The following GREM2 variants were observed in gnomAD, a reference collection of about 807,000 sequenced individuals.
The protein encoded by GREM2 is gremlin-2.
Under a neutral mutation model 14.2 loss-of-function variants are expected in GREM2, and 11 were observed. That is an observed-to-expected ratio of 0.78 (90% CI 0.49 to 1.28). The LOEUF (loss-of-function observed/expected upper bound fraction) is 1.28, where lower values mean the gene tolerates loss of function less well. GREM2 is among the 50% of genes most tolerant of loss of function. The pLI, the probability that GREM2 is intolerant of heterozygous loss-of-function variation, is 0.00. For missense variants in GREM2, 210 were observed against 218.5 expected (o/e 0.96, Z 0.24); for synonymous variants, 98 against 97.6 (o/e 1.00, Z -0.02).
At chr1:240,534,711 A>G (rs12161231) in intron 1 of GREM2, among the ~76,000 whole-genome samples, 63,379 of 150,814 alleles carry the variant, frequency 0.42, 13,980 homozygotes, top group East Asian at 0.58. Context: ...AAAAAAAAAA[A>G]AAATGCAATA....
In GREM2 at chr1:240,564,788, G is replaced by A. The variant is rs539990611; in HGVS notation, c.-2+47096C>T. ...TCTTTCCATTCCCATTTGCCTTCCT[G>A]CACAGTTTTCCTTGCATCAGGTGGC... On this transcript the variant is annotated intron_variant, in intron 1 of 1. Coordinates refer to ENST00000318160, the MANE Select transcript of GREM2 (RefSeq NM_022469.4). Among the ~76,000 whole-genome samples, 278 of 152,266 alleles carry A rather than the reference G, an allele frequency of 1.8e-3. 1 individual carries two copies. The highest frequency in any genetic ancestry group is 6.4e-3 in the African/African-American group (268 of 41,552).
intron 1 of GREM2, among the ~76,000 whole-genome samples, chr1:240,532,619 C>A (rs1678385130): frequency 1.3e-5 from 2 of 151,242 alleles, no homozygotes; most frequent in Non-Finnish European, 2.9e-5. Flanking sequence ...ACTGGAATAA[C>A]CACTTTATAT....
intron 1 of GREM2, among the ~76,000 whole-genome samples, chr1:240,554,993 A>C (rs1185153433): frequency 1.3e-5 from 2 of 152,082 alleles, no homozygotes; most frequent in African/African-American, 4.8e-5. Flanking sequence ...AAAATACCAA[A>C]AATTAGCAGG....
At chr1:240,521,401 T>C (rs1356544690) in intron 1 of GREM2, among the ~76,000 whole-genome samples, 1 of 151,776 alleles carries the variant, frequency 6.6e-6, no homozygotes, top group Non-Finnish European at 1.5e-5. Context: ...ACCCCGTCTC[T>C]ACTAAAAATA....
chr1:240,579,881 C>T (rs1183371340), intron 1 of GREM2, among the ~76,000 whole-genome samples: 1 of 152,160 alleles, frequency 6.6e-6, no homozygotes, highest in South Asian at 2.1e-4. Context: ...GTGAAAGATA[C>T]ATAAGTAACT....
chr1:240,585,287 G>A (rs754237806), intron 1 of GREM2, among the ~76,000 whole-genome samples: 13 of 152,088 alleles, frequency 8.5e-5, no homozygotes, highest in Non-Finnish European at 1.6e-4. Flanking sequence ...TGCCACCATA[G>A]GGCCCTGTGA....
At chr1:240,544,178 C>T (rs1025382430) in intron 1 of GREM2, among the ~76,000 whole-genome samples, 12 of 146,158 alleles carry the variant, frequency 8.2e-5, no homozygotes, top group East Asian at 2.0e-4. Flanking sequence ...GAGACAGTCT[C>T]GCTCTGTCGC....
At chr1:240,493,557 T>C in intron 1 of GREM2, 81 bp from the exon 2 acceptor site, 1 of 1,425,724 alleles carries the variant, frequency 7.0e-7, no homozygotes, top group South Asian at 1.5e-5. Context: ...TTTTTTATTT[T>C]AGACATGGTC....
At chr1:240,597,335 GAGCTAGGAAGAA>G (rs1679838778) in intron 1 of GREM2, among the ~76,000 whole-genome samples, 1 of 152,192 alleles carries the variant, frequency 6.6e-6, no homozygotes, top group South Asian at 2.1e-4. Flanking sequence ...GTAGTTCCAG[GAGCTAGGAAGAA>G]ACTTTCACAG....
chr1:240,571,288 A>G (rs151260181), intron 1 of GREM2, among the ~76,000 whole-genome samples: 1 of 152,226 alleles, frequency 6.6e-6, no homozygotes, highest in African/African-American at 2.4e-5. Flanking sequence ...AGACTGAATG[A>G]CCTTGAACAG....
chr1:240,524,793 A>G (rs750421134), intron 1 of GREM2, among the ~76,000 whole-genome samples: 1 of 152,214 alleles, frequency 6.6e-6, no homozygotes, highest in Non-Finnish European at 1.5e-5. Flanking sequence ...GGTTTTCTGA[A>G]CTACTTCCAA....
Position 240,492,797 on chromosome 1 carries a change from A to G in GREM2, c.*172T>C, listed in dbSNP as rs1469715796. 6.5e-6 allele frequency: 4 copies of G among 613,800 alleles called. No homozygotes were observed. Among genetic ancestry groups the G allele is most frequent in the Admixed American group, 8.9e-5 (2 of 22,530 alleles). The allele number at this position is 613,800 out of a possible 1,614,324, so 38.0% of individuals were successfully genotyped here. On this transcript the variant is annotated 3_prime_UTR_variant, in exon 2 of 2. Transcript: ENST00000318160. ...TCAGGAACACATCAGCAAAAGCTCCACTTGCGATCCACGTCTGTGACAAGG... is the reference window on the plus strand; with the variant it reads ...TCAGGAACACATCAGCAAAAGCTCCGCTTGCGATCCACGTCTGTGACAAGG...
chr1:240,555,037 C>T (rs1411933133), intron 1 of GREM2, among the ~76,000 whole-genome samples: 2 of 151,994 alleles, frequency 1.3e-5, no homozygotes, highest in Admixed American at 6.6e-5. Context: ...CCCAGCTACT[C>T]AGGAGGCTGA....
chr1:240,498,478 A>G (rs906084416), intron 1 of GREM2, among the ~76,000 whole-genome samples: 1 of 152,154 alleles, frequency 6.6e-6, no homozygotes, highest in Non-Finnish European at 1.5e-5. Context: ...GTGAGGCTGT[A>G]TCCTCCTACT....
chr1:240,508,406 T>C (rs1397698077), intron 1 of GREM2, among the ~76,000 whole-genome samples: 1 of 152,200 alleles, frequency 6.6e-6, no homozygotes, highest in Non-Finnish European at 1.5e-5. Context: ...AAAGCAAATG[T>C]AAGTGTACCA....
Position 240,492,114 on chromosome 1 carries a change from T to C in GREM2, c.*855A>G. The C allele has an allele frequency of 3.2e-6, 1 of 311,468 alleles. No individual in the cohort carries two copies. 19.3% of individuals were successfully genotyped at this position (311,468 alleles called of 1,614,324 possible). The stretch of plus-strand genomic sequence containing the variant: ...ACATGTGAAATAATACATGAATAGG[T>C]CTATAATACTTTTTAACAGCTCTTT... On this transcript the variant is annotated 3_prime_UTR_variant, in exon 2 of 2. Transcript: ENST00000318160.
In GREM2 at chr1:240,492,137, T is replaced by G; in HGVS notation, c.*832A>C. ...GGTCTATAATACTTTTTAACAGCTC[T>G]TTACAATATACGGTCACTTATAAAA... On this transcript the variant is annotated 3_prime_UTR_variant, in exon 2 of 2. Transcript: ENST00000318160. 1 of 377,974 alleles carries G rather than the reference T, an allele frequency of 2.6e-6. No individual in the cohort carries two copies. Among genetic ancestry groups the G allele is most frequent in the Non-Finnish European group, 5.5e-6 (1 of 180,470 alleles). The allele number at this position is 377,974 out of a possible 1,614,324, so 23.4% of individuals were successfully genotyped here. A position where few individuals can be genotyped will look rare whatever the true frequency, so the allele number is the denominator to read the frequency against.
intron 1 of GREM2, among the ~76,000 whole-genome samples, chr1:240,609,950 G>A (rs1241079631): frequency 6.6e-6 from 1 of 152,042 alleles, no homozygotes; most frequent in African/African-American, 2.4e-5. Flanking sequence ...AGAATGAACT[G>A]TTGATTACCT....
chr1:240,588,154 TGTGTTTTGTACTGTTTTTCA>T (rs1679637340), intron 1 of GREM2, among the ~76,000 whole-genome samples: 1 of 152,184 alleles, frequency 6.6e-6, no homozygotes, highest in Admixed American at 6.5e-5. Context: ...TTCTGAGGTG[TGTGTTTTGTACTGTTTTTCA>T]GTGTTTTGCA....
Sources: gnomAD v4.1 joint callset for allele counts (sites outside exome capture counted in the v4.1 genomes callset) on GRCh38, gnomAD v4.1.1 for gene constraint, MANE v1.5 for transcripts, NCBI Gene and HGNC (gene_info 2026-07-23, HGNC 2026-07-21) for gene names.